GFRA2: variants seen among roughly 807,000 people sequenced by gnomAD.
GFRA2 encodes GDNF family receptor alpha 2.
In GFRA2, 17 loss-of-function variants were observed where a neutral mutation model predicts 48.3. That is an observed-to-expected ratio of 0.35 (90% CI 0.24 to 0.53). GFRA2 has a LOEUF of 0.53. Ranked by LOEUF, GFRA2 falls within the 20% of genes least tolerant of loss-of-function variation. The probability of loss-of-function intolerance (pLI) is 0.93; values close to 1 mark genes in which losing one functional copy is unlikely to be tolerated. For synonymous variants in GFRA2, 305 were observed against 257.2 expected (o/e 1.19, Z -1.78); for missense variants, 660 against 637.3 (o/e 1.04, Z -0.38).
intron 8 of GFRA2, among the ~76,000 whole-genome samples, chr8:21,693,841 G>T (rs747858526): frequency 1.4e-4 from 22 of 151,864 alleles, no homozygotes; most frequent in Admixed American, 2.6e-4. Flanking sequence ...GCCCACATTC[G>T]CCCTGTTTCT....
intron 1 of GFRA2, among the ~76,000 whole-genome samples, chr8:21,786,231 C>A: frequency 6.6e-6 from 1 of 152,154 alleles, no homozygotes; most frequent in Non-Finnish European, 1.5e-5. Flanking sequence ...GAGCAGGAAC[C>A]CCAGCCACTT....
chr8:21,774,688 G>C (rs62494090), intron 3 of GFRA2, among the ~76,000 whole-genome samples: 58,326 of 152,088 alleles, frequency 0.38, 12,245 homozygotes, highest in African/African-American at 0.56. Context: ...GGGAACAAGG[G>C]TAAGATAGAA....
intron 4 of GFRA2, chr8:21,706,472 CAGCAAAACAGGTGACT>C: frequency 2.2e-6 from 1 of 458,066 alleles, no homozygotes; most frequent in South Asian, 1.5e-5. Flanking sequence ...AAAATCCCAC[CAGCAAAACAGGTGACT>C]AGTCCCTTCC....
intron 3 of GFRA2, among the ~76,000 whole-genome samples, chr8:21,753,885 C>T (rs60666109): frequency 0.045 from 6,833 of 152,302 alleles, 332 homozygotes; most frequent in African/African-American, 0.12. Context: ...TCCATTCCAG[C>T]CACCCCAGCC....
At chr8:21,801,233 T>C (rs1388240969) in intron 2 of GFRA2, among the ~76,000 whole-genome samples, 14 of 152,086 alleles carry the variant, frequency 9.2e-5, no homozygotes, top group Non-Finnish European at 1.6e-4. Flanking sequence ...CCCAGGAATA[T>C]GAATGGGACT....
In GFRA2 at chr8:21,705,211, G is replaced by A. The variant is rs543390968; in HGVS notation, c.905-86C>T. On this transcript the variant is annotated intron_variant, in intron 5 of 8. Coordinates refer to ENST00000524240, the MANE Select transcript of GFRA2 (RefSeq NM_001495.5). ...CACAGACCAACCCCAGGCACAGCAGGGCAGAGGCGTGGTACCCATCCTCTG... is the reference window on the plus strand; with the variant it reads ...CACAGACCAACCCCAGGCACAGCAGAGCAGAGGCGTGGTACCCATCCTCTG... 5.0e-6 allele frequency: 7 copies of A among 1,397,664 alleles called. No homozygotes were observed. The East Asian group carries it at 1.2e-4, about 24-fold the overall frequency. 86.6% of individuals were successfully genotyped at this position (1,397,664 alleles called of 1,614,324 possible).
chr8:21,708,995 A>C (rs1318833142), intron 4 of GFRA2, among the ~76,000 whole-genome samples: 2 of 152,036 alleles, frequency 1.3e-5, no homozygotes, highest in African/African-American at 4.8e-5. Context: ...CCTCCAGAAG[A>C]AGCTAAGGGG....
Position 21,788,489 on chromosome 8 carries a change from G to C in GFRA2, c.-330C>G. On this transcript the variant is annotated 5_prime_UTR_variant, in exon 1 of 9. Transcript: ENST00000524240. The stretch of plus-strand genomic sequence containing the variant: ...CCCCTCCAATCGTCCGGGAAGGCGT[G>C]AGTCCCCGCGGGTCCAATTCCCCTG... 2.8e-6 allele frequency: 3 copies of C among 1,084,610 alleles called. No individual in the cohort carries two copies. Among genetic ancestry groups the C allele is most frequent in the Non-Finnish European group, 2.2e-6 (2 of 895,424 alleles). 67.2% of individuals were successfully genotyped at this position (1,084,610 alleles called of 1,614,324 possible).
chr8:21,781,799 C>T (rs1807002529), intron 2 of GFRA2, among the ~76,000 whole-genome samples: 1 of 152,184 alleles, frequency 6.6e-6, no homozygotes, highest in African/African-American at 2.4e-5. Context: ...CAGTGGCCCA[C>T]CTCCTAAACA....
intron 4 of GFRA2, among the ~76,000 whole-genome samples, chr8:21,742,659 G>T (rs1001087859): frequency 1.3e-5 from 2 of 152,194 alleles, no homozygotes; most frequent in Admixed American, 6.5e-5. Flanking sequence ...CTGCCCCTGT[G>T]TGAACAAACA....
intron 4 of GFRA2, among the ~76,000 whole-genome samples, chr8:21,718,054 G>GT (rs1422604295): frequency 6.6e-6 from 1 of 152,180 alleles, no homozygotes; most frequent in East Asian, 1.9e-4. Context: ...TCTGCAAAAT[G>GT]GAGGTAATAA....
chr8:21,742,474 G>A (rs1163954926), intron 4 of GFRA2, among the ~76,000 whole-genome samples: 3 of 152,146 alleles, frequency 2.0e-5, no homozygotes, highest in Non-Finnish European at 4.4e-5. Context: ...CCAGCCTCTG[G>A]AACTATGAGA....
chr8:21,804,907 T>G (rs1807832314), intron 2 of GFRA2: 1 of 152,216 alleles, frequency 6.6e-6, no homozygotes, highest in Admixed American at 6.5e-5. Flanking sequence ...TATTTCAGCA[T>G]GCCTGGTCCA....
At chr8:21,783,194 C>A in intron 1 of GFRA2, 1 of 567,524 alleles carries the variant, frequency 1.8e-6, no homozygotes, top group Non-Finnish European at 3.3e-6. Flanking sequence ...AGACCTCAGT[C>A]TAAGACGTCA....
At chr8:21,720,332 A>G (rs1003055936) in intron 4 of GFRA2, among the ~76,000 whole-genome samples, 1 of 152,184 alleles carries the variant, frequency 6.6e-6, no homozygotes, top group Non-Finnish European at 1.5e-5. Flanking sequence ...CACAAAGGGT[A>G]TAGCCTAGGC....
intron 4 of GFRA2, among the ~76,000 whole-genome samples, chr8:21,737,066 T>C (rs1804504086): frequency 1.3e-5 from 2 of 152,110 alleles, no homozygotes; most frequent in Non-Finnish European, 2.9e-5. Context: ...CCTCTGATGC[T>C]GGCAAGGGGG....
intron 2 of GFRA2, among the ~76,000 whole-genome samples, chr8:21,796,169 T>C (rs1807672215): frequency 6.6e-6 from 1 of 152,208 alleles, no homozygotes; most frequent in Non-Finnish European, 1.5e-5. Flanking sequence ...GCACTCCCTC[T>C]GTAGTTGGCA....
chr8:21,739,251 CAGG>C (rs765230068), intron 4 of GFRA2, among the ~76,000 whole-genome samples: 63 of 152,170 alleles, frequency 4.1e-4, no homozygotes, highest in Non-Finnish European at 7.1e-4. Context: ...CTGCTCTAAG[CAGG>C]AGGATGCCAG....
Position 21,756,094 on chromosome 8 carries a change from T to C in GFRA2, c.440-5152A>G, listed in dbSNP as rs1202661019. ...GGACCCCAGAGAGGAGGTTAGCAAC[T>C]GCAAGCGGAACAGCAGCTAATTTAG... On this transcript the variant is annotated intron_variant, in intron 3 of 8. Coordinates refer to ENST00000524240, the MANE Select transcript of GFRA2 (RefSeq NM_001495.5). 9.2e-5 allele frequency among the ~76,000 whole-genome samples: 14 copies of C among 152,284 alleles called. No homozygotes were observed. The East Asian group carries it at 2.5e-3, about 27-fold the overall frequency.
Sources: allele counts gnomAD v4.1 joint callset (sites outside exome capture counted in the v4.1 genomes callset), GRCh38; gene constraint gnomAD v4.1.1; transcripts MANE v1.5; gene names NCBI Gene and HGNC (gene_info 2026-07-23, HGNC 2026-07-21).